CFAP92: variants seen among roughly 807,000 people sequenced by gnomAD.
CFAP92 encodes uncharacterized protein CFAP92.
In CFAP92, 86 loss-of-function variants were observed where a neutral mutation model predicts 106.3. That is an observed-to-expected ratio of 0.81 (90% CI 0.68 to 0.97). The LOEUF (loss-of-function observed/expected upper bound fraction) is 0.97, where lower values mean the gene tolerates loss of function less well. Ranked by LOEUF, CFAP92 falls within the 50% of genes least tolerant of loss-of-function variation. The pLI is 0.00. For synonymous variants in CFAP92, 477 were observed against 506.4 expected (o/e 0.94, Z 0.78); for missense variants, 1,204 against 1,283.8 (o/e 0.94, Z 0.95).
intron 1 of CFAP92, among the ~76,000 whole-genome samples, chr3:128,999,531 CTTTTTTTTTTTTTTT>C (rs5852556): frequency 1.4e-5 from 1 of 71,594 alleles, no homozygotes; most frequent in African/African-American, 6.2e-5. Context: ...AAATCAGGTT[CTTTTTTTTTTTTTTT>C]TTTTTTTTTT....
the CFAP92 span, among the ~76,000 whole-genome samples, chr3:129,025,956 C>T: frequency 6.6e-6 from 1 of 152,258 alleles, no homozygotes; most frequent in Non-Finnish European, 1.5e-5. Context: ...TTCCCTTGTG[C>T]CTGGCATGTG....
chr3:128,947,173 A>G (rs1050347386), intron 9 of CFAP92, among the ~76,000 whole-genome samples: 9 of 152,070 alleles, frequency 5.9e-5, no homozygotes, highest in African/African-American at 1.4e-4. Flanking sequence ...GAAGTCTACT[A>G]GTTTGCTCTC....
At chr3:128,910,369 A>T in intron 15 of CFAP92, 36 bp from the exon 16 acceptor site, 1 of 1,459,940 alleles carries the variant, frequency 6.8e-7, no homozygotes, top group Non-Finnish European at 9.0e-7. Context: ...GGGGTTCCTG[A>T]TCCCAGTGCC....
chr3:128,923,996 A>C (rs1000164613), intron 12 of CFAP92, among the ~76,000 whole-genome samples: 2 of 152,218 alleles, frequency 1.3e-5, no homozygotes, highest in African/African-American at 4.8e-5. Context: ...TTTTGTTCTA[A>C]TAATTATGTG....
chr3:129,009,568 A>C, the CFAP92 span, among the ~76,000 whole-genome samples: 1 of 152,174 alleles, frequency 6.6e-6, no homozygotes, highest in Non-Finnish European at 1.5e-5. Context: ...GACTGGCCAA[A>C]CCTTAGTCAC....
At chr3:129,001,894 G>C (rs1444738110) in intron 1 of CFAP92, 1 of 1,538,554 alleles carries the variant, frequency 6.5e-7, no homozygotes. Context: ...CTGGGGCTGC[G>C]CGCGGAGGGG....
intron 1 of CFAP92, chr3:129,001,630 T>TG (rs1944755184): frequency 1.5e-6 from 2 of 1,357,998 alleles, no homozygotes; most frequent in African/African-American, 3.1e-5. Flanking sequence ...GGCGCAGCGA[T>TG]GGAGCCGGTC....
At chr3:128,964,975 CCCAGG>C (rs1942261122) in intron 9 of CFAP92, among the ~76,000 whole-genome samples, 1 of 152,192 alleles carries the variant, frequency 6.6e-6, no homozygotes, top group Non-Finnish European at 1.5e-5. Context: ...GGCCTCTGAG[CCCAGG>C]CCAGGCCATC....
chr3:129,002,509 C>A, intron 1 of CFAP92: 1 of 1,198,190 alleles, frequency 8.3e-7, no homozygotes, highest in Non-Finnish European at 1.1e-6. Flanking sequence ...CCACTCCAGT[C>A]CCCAACCCTA....
intron 1 of CFAP92, chr3:129,001,546 G>A (rs1159230998): frequency 3.0e-6 from 4 of 1,341,454 alleles, no homozygotes; most frequent in Non-Finnish European, 3.8e-6. Context: ...CCCTCCTTTC[G>A]AGAAACTCTG....
chr3:128,927,006 A>G (rs1937725799), intron 12 of CFAP92, among the ~76,000 whole-genome samples: 1 of 152,060 alleles, frequency 6.6e-6, no homozygotes, highest in Non-Finnish European at 1.5e-5. Context: ...AGGCAGGAGA[A>G]TGGTTTGAAC....
chr3:128,965,449 G>A, intron 9 of CFAP92, 62 bp downstream of exon 9: 1 of 398,768 alleles, frequency 2.5e-6, no homozygotes, highest in African/African-American at 2.1e-5. Context: ...GAGGTGGCAT[G>A]TGACGGGCAG....
At chr3:128,987,260 A>G (rs1267156686) in intron 4 of CFAP92, among the ~76,000 whole-genome samples, 1 of 151,716 alleles carries the variant, frequency 6.6e-6, no homozygotes, top group African/African-American at 2.4e-5. Flanking sequence ...GGGTGGTGGG[A>G]TTTTTAAGTT....
upstream of CFAP92, among the ~76,000 whole-genome samples, chr3:128,997,671 T>G (rs568132203): frequency 1.3e-5 from 2 of 152,264 alleles, no homozygotes; most frequent in Non-Finnish European, 2.9e-5. Flanking sequence ...AATAATATTC[T>G]ATTGTATGGA....
At chr3:128,999,832 C>T (rs527514698) in intron 1 of CFAP92, among the ~76,000 whole-genome samples, 4 of 152,196 alleles carry the variant, frequency 2.6e-5, no homozygotes, top group African/African-American at 9.6e-5. Context: ...CGTGAGCCAC[C>T]GCGACCGGCC....
At chr3:128,937,542 G>A (rs567480340) in intron 10 of CFAP92, among the ~76,000 whole-genome samples, 98 of 152,106 alleles carry the variant, frequency 6.4e-4, no homozygotes, top group African/African-American at 2.1e-3. Context: ...GGAGCTTGCG[G>A]TGGGTGAGCT....
At chr3:129,016,483 G>A in the CFAP92 span, among the ~76,000 whole-genome samples, 6 of 151,470 alleles carry the variant, frequency 4.0e-5, no homozygotes, top group African/African-American at 1.5e-4. Context: ...GCAGGCAGGT[G>A]GAGCTCATGG....
Position 128,916,230 on chromosome 3 carries a change from C to G in CFAP92, c.2793G>C (p.Pro931=), listed in dbSNP as rs147348071. ...TTTTAATCACCTTCGCCACGGACTT[C>G]GGAGGCTTCTTGCTGACCTGGTAGG... ...TEAYQVSKKP[P]KSVAKVIKIS... The change falls in exon 13 of 16, where the codon CCG becomes CCC. Residue 931 remains proline (P), a synonymous_variant. Transcript: ENST00000645291. 4.1e-6 allele frequency: 5 copies of G among 1,232,064 alleles called. No individual in the cohort carries two copies. Among genetic ancestry groups the G allele is most frequent in the Non-Finnish European group, 5.1e-6 (5 of 987,968 alleles). 76.3% of individuals were successfully genotyped at this position (1,232,064 alleles called of 1,614,324 possible). A position where few individuals can be genotyped will look rare whatever the true frequency, so the allele number is the denominator to read the frequency against.
chr3:129,006,754 G>C (rs1302848517), upstream of CFAP92, among the ~76,000 whole-genome samples: 1 of 152,168 alleles, frequency 6.6e-6, no homozygotes, highest in Non-Finnish European at 1.5e-5. Context: ...TAGGCAGATG[G>C]CTGTGTCACT....
Sources: allele counts gnomAD v4.1 joint callset (sites outside exome capture counted in the v4.1 genomes callset), GRCh38; gene constraint gnomAD v4.1.1; transcripts MANE v1.5; gene names NCBI Gene and HGNC (gene_info 2026-07-23, HGNC 2026-07-21).